Variants in PCDHA1 observed in about 807,000 individuals in gnomAD.
PCDHA1 encodes the protein protocadherin alpha 1, also known as protocadherin alpha-1.
PCDHA1 carries 42 observed loss-of-function variants against 61.3 expected under a neutral mutation model. That is an observed-to-expected ratio of 0.69 (90% CI 0.54 to 0.89). The LOEUF is 0.89. Ranked by LOEUF, PCDHA1 falls within the 40% of genes least tolerant of loss-of-function variation. The pLI, the probability that PCDHA1 is intolerant of heterozygous loss-of-function variation, is 0.00. For synonymous variants in PCDHA1, 610 were observed against 553.8 expected (o/e 1.10, Z -1.43); for missense variants, 1,256 against 1,235.3 (o/e 1.02, Z -0.25).
At chr5:140,934,430 G>A (rs1249557283) in intron 1 of PCDHA1, among the ~76,000 whole-genome samples, 1 of 152,108 alleles carries the variant, frequency 6.6e-6, no homozygotes, top group Non-Finnish European at 1.5e-5. Context: ...CAATGCAAGT[G>A]TAAATATAGT....
chr5:140,857,320 G>T, intron 1 of PCDHA1: 1 of 1,598,728 alleles, frequency 6.3e-7, no homozygotes. Flanking sequence ...AGCTGGTGGT[G>T]ACCGCGCGGG....
chr5:140,870,911 A>G (rs782609021), intron 1 of PCDHA1: 2 of 1,613,910 alleles, frequency 1.2e-6, no homozygotes, highest in Non-Finnish European at 1.7e-6. Context: ...TCAGGCTACA[A>G]CGCGTGGCTT....
chr5:140,981,791 C>G (rs564396430), intron 2 of PCDHA1, among the ~76,000 whole-genome samples: 2 of 152,000 alleles, frequency 1.3e-5, no homozygotes, highest in Non-Finnish European at 2.9e-5. Flanking sequence ...GTTCTCTTTT[C>G]CCTTGAACAG....
intron 1 of PCDHA1, chr5:140,927,000 A>G (rs1554203899): frequency 1.2e-6 from 2 of 1,612,352 alleles, no homozygotes; most frequent in Non-Finnish European, 1.7e-6. Flanking sequence ...GCGTAGCCGT[A>G]GGCAATCTCT....
intron 1 of PCDHA1, chr5:140,803,247 G>A (rs782577100): frequency 1.2e-6 from 2 of 1,613,830 alleles, no homozygotes. Flanking sequence ...CCAGGCGTCC[G>A]CTGGCGCCAC....
At chr5:140,796,572 C>T (rs573477679) in intron 1 of PCDHA1, 3 of 1,613,296 alleles carry the variant, frequency 1.9e-6, no homozygotes, top group South Asian at 1.1e-5. Flanking sequence ...TCCAGGTGAG[C>T]GCGCGGGATG....
At chr5:140,802,343 T>A (rs925654009) in intron 1 of PCDHA1, 1 of 1,614,108 alleles carries the variant, frequency 6.2e-7, no homozygotes, top group East Asian at 2.2e-5. Flanking sequence ...CAGGAGTCAA[T>A]GGACAGGTCA....
chr5:140,813,382 T>C (rs1218287090), intron 1 of PCDHA1: 1 of 152,178 alleles, frequency 6.6e-6, no homozygotes, highest in African/African-American at 2.4e-5. Context: ...GGTTACATGA[T>C]CTATTGCTTC....
intron 1 of PCDHA1, chr5:140,882,155 T>C (rs1317545188): frequency 1.3e-6 from 2 of 1,504,050 alleles, no homozygotes; most frequent in Admixed American, 2.3e-5. Flanking sequence ...GAAAGCGGAA[T>C]ACCTCTTGCG....
intron 1 of PCDHA1, chr5:140,851,388 A>G (rs2042047686): frequency 1.0e-6 from 1 of 974,904 alleles, no homozygotes; most frequent in Admixed American, 6.2e-5. Flanking sequence ...AACCTTCAGT[A>G]TCTATTATTT....
At chr5:140,969,578 G>A (rs2096343344) in intron 1 of PCDHA1, 2 of 957,378 alleles carry the variant, frequency 2.1e-6, no homozygotes, top group Admixed American at 5.9e-5. Context: ...TGAGAAGTGA[G>A]GATTAGTCTT....
At chr5:140,927,651 C>A in intron 1 of PCDHA1, 2 of 1,614,216 alleles carry the variant, frequency 1.2e-6, no homozygotes, top group Non-Finnish European at 1.7e-6. Context: ...CTGTGTTATT[C>A]CGAGTTCAAG....
At chr5:140,789,515 G>A (rs1342363528) in intron 1 of PCDHA1, among the ~76,000 whole-genome samples, 8 of 151,902 alleles carry the variant, frequency 5.3e-5, no homozygotes, top group African/African-American at 9.7e-5. Context: ...TTTATTGGGC[G>A]ATTTGTTTAA....
chr5:140,869,184 G>A (rs1554162580), intron 1 of PCDHA1: 44 of 1,613,836 alleles, frequency 2.7e-5, no homozygotes, highest in Non-Finnish European at 3.7e-5. Flanking sequence ...GGGAGGTGGG[G>A]AGCGGCCAGC....
intron 1 of PCDHA1, chr5:140,927,857 G>A: frequency 6.2e-7 from 1 of 1,614,172 alleles, no homozygotes; most frequent in African/African-American, 1.3e-5. Context: ...GGTTTAGCTA[G>A]CACCGCTAAA....
At chr5:140,941,202 CCTTTCTTTCTTCCTTT>C (rs1307053809) in intron 1 of PCDHA1, among the ~76,000 whole-genome samples, 1 of 122,742 alleles carries the variant, frequency 8.1e-6, no homozygotes, top group Non-Finnish European at 1.8e-5. Context: ...TTTCTTTCTT[CCTTTCTTTCTTCCTTT>C]CTTTCTTTCT....
At chr5:140,910,399 T>G (rs1461842314) in intron 1 of PCDHA1, among the ~76,000 whole-genome samples, 1 of 152,172 alleles carries the variant, frequency 6.6e-6, no homozygotes, top group East Asian at 1.9e-4. Context: ...GACTGGCCCC[T>G]GCCACCTCGA....
intron 1 of PCDHA1, among the ~76,000 whole-genome samples, chr5:140,792,942 T>A (rs1761739829): frequency 1.3e-5 from 2 of 152,208 alleles, no homozygotes; most frequent in Non-Finnish European, 2.9e-5. Flanking sequence ...AACCTCCCAC[T>A]TTTCAGTTCA....
At chr5:140,821,554 A>G in intron 1 of PCDHA1, 1 of 509,150 alleles carries the variant, frequency 2.0e-6, no homozygotes, top group Non-Finnish European at 3.4e-6. Context: ...CATCCACATG[A>G]TGTCGCTGGA....
Sources: allele counts gnomAD v4.1 joint callset (sites outside exome capture counted in the v4.1 genomes callset), GRCh38; gene constraint gnomAD v4.1.1; transcripts MANE v1.5; gene names NCBI Gene and HGNC (gene_info 2026-07-23, HGNC 2026-07-21).